ARHGEF28: variants seen among roughly 807,000 people sequenced by gnomAD.
The protein encoded by ARHGEF28 is Rho guanine nucleotide exchange factor 28.
ARHGEF28 carries 152 observed loss-of-function variants against 206.6 expected under a neutral mutation model. The ratio of observed to expected loss-of-function variants is 0.74; its 90% CI spans 0.64 to 0.84. The LOEUF (loss-of-function observed/expected upper bound fraction) is 0.84, where lower values mean the gene tolerates loss of function less well. Ranked by LOEUF, ARHGEF28 falls within the 40% of genes least tolerant of loss-of-function variation. ARHGEF28 has a pLI of 0.00. For missense variants in ARHGEF28, 2,028 were observed against 2,073.2 expected, an observed-to-expected ratio of 0.98 and a Z score of 0.42; for synonymous variants, 763 against 776.4, an observed-to-expected ratio of 0.98 and a Z score of 0.29.
At chr5:73,931,676 CTTGTT>C (rs1764130181) in intron 35 of ARHGEF28, among the ~76,000 whole-genome samples, 1 of 152,100 alleles carries the variant, frequency 6.6e-6, no homozygotes, top group East Asian at 1.9e-4. Flanking sequence ...TTTATGGAAT[CTTGTT>C]TTGTGGCTGA....
intron 2 of ARHGEF28, among the ~76,000 whole-genome samples, chr5:73,736,963 G>A (rs1256569096): frequency 6.6e-6 from 1 of 152,134 alleles, no homozygotes; most frequent in African/African-American, 2.4e-5. Context: ...TAAAGTGGCT[G>A]GGAATGAGAA....
chr5:73,826,706 G>A (rs1230225667), intron 9 of ARHGEF28, among the ~76,000 whole-genome samples: 2 of 152,138 alleles, frequency 1.3e-5, no homozygotes, highest in African/African-American at 2.4e-5. Context: ...CAGAAGGGAG[G>A]CATCTGCAAC....
chr5:73,919,710 C>T (rs920751812), intron 35 of ARHGEF28, among the ~76,000 whole-genome samples: 1 of 152,174 alleles, frequency 6.6e-6, no homozygotes, highest in African/African-American at 2.4e-5. Flanking sequence ...AACTATTTGT[C>T]ATTTTAAGTC....
intron 2 of ARHGEF28, among the ~76,000 whole-genome samples, chr5:73,731,464 A>G (rs527839766): frequency 1.2e-3 from 176 of 152,324 alleles, no homozygotes; most frequent in African/African-American, 4.2e-3. Flanking sequence ...ATTTGGTTTT[A>G]AGGAAAGAAT....
intron 4 of ARHGEF28, among the ~76,000 whole-genome samples, chr5:73,767,745 T>G (rs550355422): frequency 6.6e-6 from 1 of 152,272 alleles, no homozygotes; most frequent in Admixed American, 6.5e-5. Flanking sequence ...TGAGGAGAAA[T>G]TCAAGCTGGC....
chr5:73,885,440 G>T (rs530837768), intron 24 of ARHGEF28, among the ~76,000 whole-genome samples: 13 of 151,548 alleles, frequency 8.6e-5, no homozygotes, highest in South Asian at 4.2e-4. Flanking sequence ...TTTTTTTGGT[G>T]GGGGGGTGGT....
chr5:73,632,534 C>A (rs1743433146), intron 1 of ARHGEF28, among the ~76,000 whole-genome samples: 1 of 152,138 alleles, frequency 6.6e-6, no homozygotes, highest in Admixed American at 6.5e-5. Context: ...ACAATTCTCC[C>A]TTATCCTAAG....
intron 25 of ARHGEF28, 129 bp downstream of exon 25, chr5:73,886,233 A>G: frequency 8.3e-7 from 1 of 1,203,740 alleles, no homozygotes; most frequent in Non-Finnish European, 1.1e-6. Context: ...CAGTTGAAAG[A>G]TTGATTTGTG....
chr5:73,875,873 T>C (rs1226517827), intron 22 of ARHGEF28, among the ~76,000 whole-genome samples: 1 of 152,232 alleles, frequency 6.6e-6, no homozygotes, highest in Non-Finnish European at 1.5e-5. Context: ...ACCTTTGTTC[T>C]TTTGGCTTAG....
rs1165406139 is a variant in ARHGEF28 at position 73,840,493 on chromosome 5, A to G, written c.1160A>G (p.Asp387Gly). Residue 387 changes from aspartate (D) to glycine (G), a missense_variant, in exon 11 of 36, where the codon GAT becomes GGT. Transcript: ENST00000513042. ...TTCAACTTCCAGGTTGGTGATTTGG[A>G]TATCAGCTATATTAATATAGAGGGA... The part of the protein sequence containing the change: ...CMVIDQVGDL[D>G]ISYINIEGIT... 12 of 1,612,624 alleles carry G rather than the reference A, an allele frequency of 7.4e-6. No homozygotes were observed. The highest frequency in any genetic ancestry group is 1.0e-5 in the Non-Finnish European group (12 of 1,179,160).
At chr5:73,733,730 A>T (rs1222357414) in intron 2 of ARHGEF28, among the ~76,000 whole-genome samples, 1 of 152,190 alleles carries the variant, frequency 6.6e-6, no homozygotes, top group Non-Finnish European at 1.5e-5. Flanking sequence ...GAAAAATCAG[A>T]TTTTTCTTGA....
At chr5:73,864,010 C>T (rs1759554160) in intron 16 of ARHGEF28, among the ~76,000 whole-genome samples, 1 of 152,092 alleles carries the variant, frequency 6.6e-6, no homozygotes, top group South Asian at 2.1e-4. Context: ...ATCTTCCACT[C>T]CCACAGAAGG....
At chr5:73,730,290 G>T (rs995563444) in intron 2 of ARHGEF28, among the ~76,000 whole-genome samples, 1 of 152,066 alleles carries the variant, frequency 6.6e-6, no homozygotes, top group Admixed American at 6.6e-5. Flanking sequence ...GAAGTAGTTG[G>T]GGGTAAAAAT....
intron 2 of ARHGEF28, among the ~76,000 whole-genome samples, chr5:73,701,480 C>T (rs1044582406): frequency 1.3e-5 from 2 of 152,060 alleles, no homozygotes; most frequent in African/African-American, 4.8e-5. Flanking sequence ...CATTAAATTG[C>T]ATGTGGTCTT....
At chr5:73,686,340 A>G (rs1253156126) in intron 2 of ARHGEF28, among the ~76,000 whole-genome samples, 1 of 152,082 alleles carries the variant, frequency 6.6e-6, no homozygotes, top group African/African-American at 2.4e-5. Flanking sequence ...CAAATCCACA[A>G]GCCTAATCGT....
At chr5:73,917,941 C>T (rs928286265) in intron 35 of ARHGEF28, among the ~76,000 whole-genome samples, 2 of 152,102 alleles carry the variant, frequency 1.3e-5, no homozygotes, top group African/African-American at 4.8e-5. Flanking sequence ...CCAAACATAA[C>T]TGAAGGATGA....
At chr5:73,635,428 C>A (rs2112125866) in intron 1 of ARHGEF28, among the ~76,000 whole-genome samples, 1 of 152,268 alleles carries the variant, frequency 6.6e-6, no homozygotes, top group African/African-American at 2.4e-5. Flanking sequence ...GGAGACCTGG[C>A]TTTAGTCTTG....
intron 1 of ARHGEF28, among the ~76,000 whole-genome samples, chr5:73,639,499 A>T (rs1743939580): frequency 6.6e-6 from 1 of 152,042 alleles, no homozygotes; most frequent in East Asian, 1.9e-4. Context: ...AAATTTATAT[A>T]CATTTTACCA....
chr5:73,812,256 T>C (rs1755884639), intron 9 of ARHGEF28, among the ~76,000 whole-genome samples: 1 of 152,182 alleles, frequency 6.6e-6, no homozygotes, highest in Non-Finnish European at 1.5e-5. Flanking sequence ...GCTATGCAGC[T>C]ATTTTCTTAC....
Sources: gnomAD v4.1 joint callset for allele counts (sites outside exome capture counted in the v4.1 genomes callset) on GRCh38, gnomAD v4.1.1 for gene constraint, MANE v1.5 for transcripts, NCBI Gene and HGNC (gene_info 2026-07-23, HGNC 2026-07-21) for gene names.